Variants in CD70 observed in about 807,000 individuals in gnomAD.
CD70 encodes CD70 molecule.
In CD70, 6 loss-of-function variants were observed where a neutral mutation model predicts 9.0. The ratio of observed to expected loss-of-function variants is 0.67; its 90% CI spans 0.37 to 1.32. The LOEUF (loss-of-function observed/expected upper bound fraction) is 1.32, where lower values mean the gene tolerates loss of function less well. Among genes scored for constraint, CD70 ranks in the 40% most tolerant of loss-of-function variants. The pLI is 0.02. For missense variants in CD70, 235 were observed against 258.7 expected (o/e 0.91, Z 0.63); for synonymous variants, 108 against 112.3 (o/e 0.96, Z 0.24).
intron 2 of CD70, among the ~76,000 whole-genome samples, chr19:6,587,631 T>C (rs1447189368): frequency 1.3e-5 from 2 of 151,660 alleles, no homozygotes; most frequent in Non-Finnish European, 2.9e-5. Flanking sequence ...GGACCCTTTT[T>C]TTTTCTTGCT....
Position 6,588,393 on chromosome 19 carries a change from G to A in CD70, c.196+1710C>T, listed in dbSNP as rs344588. On this transcript the variant is annotated intron_variant, in intron 2 of 2. Coordinates refer to ENST00000245903, the MANE Select transcript of CD70 (RefSeq NM_001252.5). ...AAAATATGGCAAAGGCCGGGGAGGGGGGGAAGATATATCAGGGGTCAGAGA... is the reference window on the plus strand; with the variant it reads ...AAAATATGGCAAAGGCCGGGGAGGGAGGGAAGATATATCAGGGGTCAGAGA... 6.6e-5 allele frequency among the ~76,000 whole-genome samples: 10 copies of A among 152,062 alleles called. No individual in the cohort carries two copies. In the East Asian group the frequency reaches 1.9e-3, roughly 29 times the overall value.
Position 6,590,027 on chromosome 19 carries a change from A to G in CD70, c.196+76T>C. On this transcript the variant is annotated intron_variant, in intron 2 of 2. Transcript: ENST00000245903. The surrounding 1 kb of genome is among the most constrained non-coding windows in gnomAD (Gnocchi z 5.3). The stretch of plus-strand genomic sequence containing the variant: ...TGTCTCTTTCTCTCTGTCTCTCCCC[A>G]CTTGTCTTTCTACCTCTCCTTCCTT... 8.5e-7 allele frequency: 1 copy of G among 1,182,806 alleles called. No individual in the cohort carries two copies. The highest frequency in any genetic ancestry group is 1.9e-4 in the Middle Eastern group (1 of 5,182). 73.3% of individuals were successfully genotyped at this position (1,182,806 alleles called of 1,614,324 possible).
At position 6,586,179 on chromosome 19, in the gene CD70, G is replaced by C; in HGVS notation, c.423C>G (p.Ser141Arg). 1 of 1,614,158 alleles carries C rather than the reference G, an allele frequency of 6.2e-7. No individual in the cohort carries two copies. Among genetic ancestry groups the C allele is most frequent in the Non-Finnish European group, 8.5e-7 (1 of 1,180,026 alleles). The change falls in exon 3 of 3, where the codon AGC becomes AGG. Residue 141 changes from serine to arginine, a missense_variant. Transcript: ENST00000245903. ...CTTGGTGGAAGCTGAGACGCAGCAG[G>C]CTGATGCTACGGGAGGCGGGAGAGC... ...GICSPASRSI[S>R]LLRLSFHQGC...
At chr19:6,587,781 C>G (rs1197864245) in intron 2 of CD70, among the ~76,000 whole-genome samples, 1 of 152,190 alleles carries the variant, frequency 6.6e-6, no homozygotes, top group Non-Finnish European at 1.5e-5. Context: ...GCAATCATAG[C>G]TCACTGCAGC....
In CD70 at chr19:6,586,023, G is replaced by C; in HGVS notation, c.579C>G (p.Pro193=). The change falls in exon 3 of 3, where the codon CCC becomes CCG. Residue 193 remains proline (P), a synonymous_variant. Coordinates refer to ENST00000245903, the MANE Select transcript of CD70 (RefSeq NM_001252.5). The part of the protein sequence containing the change: ...ETFFGVQWVR[P] ...AAACCCTAATCAGCAGCAGTGGTCA[G>C]GGGCGCACCCACTGCACTCCAAAGA... is the stretch of plus-strand genomic sequence containing the variant. 6.2e-7 allele frequency: 1 copy of C among 1,607,812 alleles called. No homozygotes were observed. Among genetic ancestry groups the C allele is most frequent in the African/African-American group, 1.3e-5 (1 of 74,934 alleles).
downstream of CD70, among the ~76,000 whole-genome samples, chr19:6,582,504 C>A (rs190720856): frequency 4.6e-5 from 7 of 151,512 alleles, no homozygotes; most frequent in South Asian, 2.1e-4. Flanking sequence ...ATCCCTCCCC[C>A]CCTCCCCCGA....
In CD70 at chr19:6,586,036, T is replaced by C. The variant is rs1169593630; in HGVS notation, c.566A>G (p.Gln189Arg). ...RNTDETFFGV[Q>R]WVRP The stretch of plus-strand genomic sequence containing the variant: ...CAGCAGTGGTCAGGGGCGCACCCAC[T>C]GCACTCCAAAGAAGGTCTCATCAGT... The change falls in exon 3 of 3, where the codon CAG becomes CGG. Residue 189 changes from glutamine (Q) to arginine (R), a missense_variant. Transcript: ENST00000245903. 2 of 1,612,380 alleles carry C rather than the reference T, an allele frequency of 1.2e-6. No individual in the cohort carries two copies. The highest frequency in any genetic ancestry group is 1.7e-6 in the Non-Finnish European group (2 of 1,178,500).
In CD70 at chr19:6,590,198, G is replaced by GT; in HGVS notation, c.163-63dup. The GT allele has an allele frequency of 7.4e-7, 1 of 1,345,384 alleles. No individual in the cohort carries two copies. Among genetic ancestry groups the GT allele is most frequent in the South Asian group, 1.2e-5 (1 of 85,772 alleles). 83.3% of individuals were successfully genotyped at this position (1,345,384 alleles called of 1,614,324 possible). On this transcript the variant is annotated intron_variant, in intron 1 of 2. Transcript: ENST00000245903. The surrounding 1 kb of genome is among the most constrained non-coding windows in gnomAD (Gnocchi z 5.3). ...AGCAGAGAGGTTCTATGTGTCCCCT[G>GT]TGCCAGGAGCTCTCTTTTCTCTGTC...
At chr19:6,583,789 ATT>A (rs59486408), downstream of CD70, among the ~76,000 whole-genome samples, 39,971 of 99,356 alleles carry the variant, frequency 0.4, 6,950 homozygotes, top group East Asian at 0.66. Flanking sequence ...TGTGGTCTTG[ATT>A]TTTTTTTTTT....
chr19:6,587,311 T>A (rs890186789), intron 2 of CD70, among the ~76,000 whole-genome samples: 2 of 131,402 alleles, frequency 1.5e-5, no homozygotes, highest in African/African-American at 5.9e-5. Context: ...AGAGACAGCA[T>A]GAGAGAGAGA....
rs776250575 is a variant in CD70, at chr19:6,590,977, G to T, written c.26C>A (p.Ser9Ter). 6.2e-7 allele frequency: 1 copy of T among 1,611,130 alleles called. No individual in the cohort carries two copies. Among genetic ancestry groups the T allele is most frequent in the Admixed American group, 1.7e-5 (1 of 59,702 alleles). The change falls in exon 1 of 3, where the codon TCG becomes TAG. Residue 9 changes from serine to a stop codon, truncating the protein, a stop_gained. Coordinates refer to ENST00000245903, the MANE Select transcript of CD70 (RefSeq NM_001252.5). LOFTEE classifies it high-confidence loss of function. The surrounding 1 kb of genome is among the most constrained non-coding windows in gnomAD (Gnocchi z 5.3). Reference sequence around the variant, plus strand: ...GCACCCATAGGGCCTGCGCCGCACCGAGCAGCCCGAACCCTCCTCCGGCAT... The same window carrying T: ...GCACCCATAGGGCCTGCGCCGCACCTAGCAGCCCGAACCCTCCTCCGGCAT... Reference protein sequence around the residue: MPEEGSGCSVRRRPYGCVL... With the variant: MPEEGSGC
At chr19:6,583,205 C>T (rs1915952213), downstream of CD70, 5 of 566,270 alleles carry the variant, frequency 8.8e-6, no homozygotes, top group South Asian at 2.4e-5. Context: ...TGAATTGCCT[C>T]GGGCTTGTGA....
chr19:6,591,144 C>T lies in CD70; in HGVS notation c.-142G>A. 1.2e-6 allele frequency: 1 copy of T among 822,350 alleles called. No individual in the cohort carries two copies. Among genetic ancestry groups the T allele is most frequent in the Non-Finnish European group, 1.8e-6 (1 of 558,114 alleles). The allele number at this position is 822,350 out of a possible 1,614,324, so 50.9% of individuals were successfully genotyped here. On this transcript the variant is annotated 5_prime_UTR_variant, in exon 1 of 3. Transcript: ENST00000245903. The stretch of plus-strand genomic sequence containing the variant: ...CAACCTGTCAGGGGACCAGCCTGCC[C>T]CTCTCTGGGGATGTCCGGCCGGTCG...
downstream of CD70, among the ~76,000 whole-genome samples, chr19:6,585,437 C>T (rs1915995093): frequency 6.6e-6 from 1 of 151,006 alleles, no homozygotes; most frequent in Non-Finnish European, 1.5e-5. Flanking sequence ...CTTTGACCTC[C>T]TGGGCTCTAC....
rs114305888 is a variant in CD70 at position 6,590,636 on chromosome 19, C to A, written c.162+205G>T. ...CCATGTGTGCCTACCTTTCCCATCC[C>A]GGGATCTCCCTGTACCTCCTGGCAG... On this transcript the variant is annotated intron_variant, in intron 1 of 2. Coordinates refer to ENST00000245903, the MANE Select transcript of CD70 (RefSeq NM_001252.5). The surrounding 1 kb of genome is among the most constrained non-coding windows in gnomAD (Gnocchi z 5.3). Among the ~76,000 whole-genome samples, 1 of 152,190 alleles carries A rather than the reference C, an allele frequency of 6.6e-6. No individual in the cohort carries two copies. Among genetic ancestry groups the A allele is most frequent in the Non-Finnish European group, 1.5e-5 (1 of 68,014 alleles).
At position 6,585,896 on chromosome 19, in the gene CD70, C is replaced by T. The variant is rs1447236392; in HGVS notation, c.*124G>A. The T allele has an allele frequency of 5.6e-5, 36 of 648,118 alleles. No individual in the cohort carries two copies. Among genetic ancestry groups the T allele is most frequent in the Non-Finnish European group, 9.5e-5 (36 of 380,306 alleles). The allele number at this position is 648,118 out of a possible 1,614,324, so 40.1% of individuals were successfully genotyped here. A position where few individuals can be genotyped will look rare whatever the true frequency, so the allele number is the denominator to read the frequency against. On this transcript the variant is annotated 3_prime_UTR_variant, in exon 3 of 3. Coordinates refer to ENST00000245903, the MANE Select transcript of CD70 (RefSeq NM_001252.5). ...GAAAAAGCTCAATGCCTTCTCTTGTCCTGCCACCACTACCCCCCACCACAC... is the reference window on the plus strand; with the variant it reads ...GAAAAAGCTCAATGCCTTCTCTTGTTCTGCCACCACTACCCCCCACCACAC...
chr19:6,588,468 G>A (rs1916077793), intron 2 of CD70, among the ~76,000 whole-genome samples: 1 of 152,214 alleles, frequency 6.6e-6, no homozygotes, highest in South Asian at 2.1e-4. Context: ...CAAAATGGAA[G>A]GAACAAAACA....
downstream of CD70, among the ~76,000 whole-genome samples, chr19:6,584,890 T>C (rs943212648): frequency 7.9e-5 from 12 of 152,098 alleles, no homozygotes; most frequent in African/African-American, 1.9e-4. Flanking sequence ...GGTTTCGCCA[T>C]GTTGGCCAGG....
chr19:6,585,152 A>G (rs1915989796), downstream of CD70, among the ~76,000 whole-genome samples: 2 of 151,382 alleles, frequency 1.3e-5, no homozygotes, highest in African/African-American at 4.9e-5. Context: ...ACGCTTGGCT[A>G]ATTTTTGTAT....
Sources: allele counts gnomAD v4.1 joint callset (sites outside exome capture counted in the v4.1 genomes callset), GRCh38; gene constraint gnomAD v4.1.1; non-coding constraint Gnocchi (gnomAD v3.1); transcripts MANE v1.5; gene names NCBI Gene and HGNC (gene_info 2026-07-23, HGNC 2026-07-21).